Variants in PNPT1 observed in about 807,000 individuals in gnomAD.
PNPT1 encodes polyribonucleotide nucleotidyltransferase 1, mitochondrial.
Under a neutral mutation model 119.5 loss-of-function variants are expected in PNPT1, and 53 were observed. The observed-to-expected ratio is 0.44, with a 90% CI of 0.36 to 0.56. The LOEUF is 0.56. Among genes scored for constraint, PNPT1 ranks in the 20% least tolerant of loss-of-function variants. The pLI, the probability that PNPT1 is intolerant of heterozygous loss-of-function variation, is 0.00. For synonymous variants in PNPT1, 357 were observed against 322.1 expected, an observed-to-expected ratio of 1.11 and a Z score of -1.16; for missense variants, 948 against 938.5, an observed-to-expected ratio of 1.01 and a Z score of -0.13.
intron 21 of PNPT1, among the ~76,000 whole-genome samples, 198 bp downstream of exon 21, chr2:55,646,061 G>C (rs1321757064): frequency 6.6e-6 from 1 of 151,922 alleles, no homozygotes; most frequent in Non-Finnish European, 1.5e-5. Context: ...CTCCTGACCT[G>C]AAGTGATCTG....
rs1420597745 is a variant in PNPT1 at position 55,640,593 on chromosome 2, A to T, written c.2148+34T>A. The T allele has an allele frequency of 2.7e-6, 4 of 1,499,294 alleles. No individual in the cohort carries two copies. The East Asian group carries it at 9.0e-5, about 34-fold the overall frequency. 92.9% of individuals were successfully genotyped at this position (1,499,294 alleles called of 1,614,324 possible). ...TTCAATACAGTGTTTCAAGGCAGTT[A>T]TAAAAATAATAACAATAACATCTGT... On this transcript the variant is annotated intron_variant, in intron 26 of 27. Coordinates refer to ENST00000447944, the MANE Select transcript of PNPT1 (RefSeq NM_033109.5).
At chr2:55,650,515 T>C (rs537660487) in intron 18 of PNPT1, among the ~76,000 whole-genome samples, 13 of 152,258 alleles carry the variant, frequency 8.5e-5, no homozygotes, top group African/African-American at 2.9e-4. Flanking sequence ...CCCAGCAGCC[T>C]GCCTTGGCCT....
Position 55,678,440 on chromosome 2 carries a change from G to T in PNPT1, c.679+1242C>A, listed in dbSNP as rs565448238. Among the ~76,000 whole-genome samples the T allele has an allele frequency of 5.5e-4, 84 of 152,336 alleles. No homozygotes were observed. In the Middle Eastern group the frequency reaches 0.01, roughly 19 times the overall value. On this transcript the variant is annotated intron_variant, in intron 8 of 27. Transcript: ENST00000447944. The stretch of plus-strand genomic sequence containing the variant: ...GTGCCACAGTTCTGCTCAATGAGGT[G>T]TAAATAGAAACTACTGTGTGGGGAT...
At chr2:55,641,475 G>T (rs571983374) in intron 25 of PNPT1, among the ~76,000 whole-genome samples, 26 of 151,680 alleles carry the variant, frequency 1.7e-4, no homozygotes, top group Non-Finnish European at 2.9e-4. Flanking sequence ...CACGAAGTTG[G>T]CCAGGCTGGT....
chr2:55,662,059 T>C, intron 13 of PNPT1, 33 bp from the exon 14 acceptor site: 1 of 1,485,346 alleles, frequency 6.7e-7, no homozygotes, highest in Non-Finnish European at 9.0e-7. Context: ...CAGGCTTTAA[T>C]ATACTAACCA....
At chr2:55,664,833 A>T (rs948684608) in intron 13 of PNPT1, among the ~76,000 whole-genome samples, 1 of 152,136 alleles carries the variant, frequency 6.6e-6, no homozygotes, top group Non-Finnish European at 1.5e-5. Flanking sequence ...ATCAAAGGTG[A>T]CACTGACTCT....
intron 13 of PNPT1, among the ~76,000 whole-genome samples, chr2:55,666,418 C>A (rs1054178991): frequency 6.6e-6 from 1 of 152,160 alleles, no homozygotes; most frequent in African/African-American, 2.4e-5. Context: ...GCTACCATGC[C>A]TGGCCTGTTC....
rs782629 is a variant in PNPT1 at position 55,673,148 on chromosome 2, A to G, written c.680-69T>C. 571,738 of 1,194,070 alleles carry G rather than the reference A, an allele frequency of 0.48. 143,681 individuals carry two copies. Among genetic ancestry groups the G allele is most frequent in the Non-Finnish European group, 0.52 (444,749 of 862,900 alleles). The allele number at this position is 1,194,070 out of a possible 1,614,324, so 74.0% of individuals were successfully genotyped here. ...TCTTAGTAATATAACATTTTCAAATACCATGACATGACATAAATATTATGG... is the reference window on the plus strand; with the variant it reads ...TCTTAGTAATATAACATTTTCAAATGCCATGACATGACATAAATATTATGG... On this transcript the variant is annotated intron_variant, in intron 8 of 27. Coordinates refer to ENST00000447944, the MANE Select transcript of PNPT1 (RefSeq NM_033109.5).
chr2:55,683,742 T>C (rs761362041), intron 5 of PNPT1, 43 bp downstream of exon 5: 1 of 1,539,004 alleles, frequency 6.5e-7, no homozygotes, highest in South Asian at 1.2e-5. Context: ...ATTAAGTAAT[T>C]TTTGATTGAT....
chr2:55,672,151 TAATA>T (rs1696936611), intron 9 of PNPT1, 105 bp from the exon 10 acceptor site: 2 of 793,922 alleles, frequency 2.5e-6, no homozygotes, highest in African/African-American at 1.8e-5. Flanking sequence ...GCTAAAACTT[TAATA>T]AATACTTCAG....
chr2:55,656,158 C>T lies in PNPT1; in HGVS notation c.1414G>A (p.Val472Ile), dbSNP rs1223711847. The T allele has an allele frequency of 9.9e-6, 16 of 1,613,276 alleles. No individual in the cohort carries two copies. The highest frequency in any genetic ancestry group is 1.3e-5 in the Non-Finnish European group (15 of 1,179,664). ...TTTGACTCTAGGACTTCAGATGTAA[C>T]TCTTATGGTGAAAGGAAAATCTCGG... ...IPRDFPFTIRVTSEVLESNGS... is the reference protein window; with the variant it reads ...IPRDFPFTIRITSEVLESNGS... Residue 472 changes from valine to isoleucine, a missense_variant, in exon 17 of 28, where the codon GTT (valine) becomes ATT (isoleucine). By Grantham distance (29) the Val-to-Ile change is conservative. Coordinates refer to ENST00000447944, the MANE Select transcript of PNPT1 (RefSeq NM_033109.5).
At chr2:55,645,558 T>TTGAAA in intron 21 of PNPT1, 126 bp from the exon 22 acceptor site, 1 of 577,548 alleles carries the variant, frequency 1.7e-6, no homozygotes, top group East Asian at 3.0e-5. Context: ...TCCACATCCC[T>TTGAAA]ATTACCTTGA....
chr2:55,648,300 G>A (rs1374108960), intron 18 of PNPT1, among the ~76,000 whole-genome samples: 1 of 152,074 alleles, frequency 6.6e-6, no homozygotes, highest in East Asian at 1.9e-4. Flanking sequence ...ACCACACAAA[G>A]CTCTACTTTA....
At chr2:55,646,798 G>C (rs1696018719) in intron 19 of PNPT1, among the ~76,000 whole-genome samples, 3 of 151,702 alleles carry the variant, frequency 2.0e-5, no homozygotes, top group Admixed American at 2.0e-4. Flanking sequence ...AATACTTAAG[G>C]GTAAGTATTA....
At chr2:55,673,821 A>C (rs1696985427) in intron 8 of PNPT1, among the ~76,000 whole-genome samples, 1 of 152,118 alleles carries the variant, frequency 6.6e-6, no homozygotes, top group South Asian at 2.1e-4. Flanking sequence ...AAGTGACTTT[A>C]GGTGATCTGC....
intron 4 of PNPT1, among the ~76,000 whole-genome samples, chr2:55,684,074 T>A (rs1697325634): frequency 6.6e-6 from 1 of 152,250 alleles, no homozygotes; most frequent in African/African-American, 2.4e-5. Flanking sequence ...CAATTTTTCA[T>A]TCTGGTTCCA....
Position 55,640,644 on chromosome 2 carries a change from G to A in PNPT1, c.2131C>T (p.Gln711Ter). Reference sequence around the variant, plus strand: ...CTTTTTACCTTTCGTTGATCAAGTTGTGTGTTATGAAGCAGTACCGCAGTC... The same window carrying A: ...CTTTTTACCTTTCGTTGATCAAGTTATGTGTTATGAAGCAGTACCGCAGTC... ...NMTAVLLHNT[Q>*]LDQRKIKHPT... is the part of the protein sequence containing the mutation. The change falls in exon 26 of 28, where the codon CAA (glutamine) becomes TAA (stop). Residue 711 changes from glutamine (Q) to a stop codon, truncating the protein, a stop_gained. Coordinates refer to ENST00000447944, the MANE Select transcript of PNPT1 (RefSeq NM_033109.5). LOFTEE classifies it high-confidence loss of function. 1.3e-6 allele frequency: 2 copies of A among 1,590,168 alleles called. No individual in the cohort carries two copies. Among genetic ancestry groups the A allele is most frequent in the Non-Finnish European group, 1.7e-6 (2 of 1,159,320 alleles).
At chr2:55,663,404 G>T (rs1332784916) in intron 13 of PNPT1, among the ~76,000 whole-genome samples, 1 of 152,186 alleles carries the variant, frequency 6.6e-6, no homozygotes, top group Non-Finnish European at 1.5e-5. Flanking sequence ...GATAACATAT[G>T]TGCAGTTGCA....
rs138300494 is a variant in PNPT1 at position 55,637,610 on chromosome 2, A to C, written c.2149-11T>G. ...AGTAGGATGTTTAATCTGGAAAAAA[A>C]AATGTTAATCTATTAGTTGTTGTGC... On this transcript the variant is annotated splice_polypyrimidine_tract_variant and intron_variant, in intron 26 of 27. Coordinates refer to ENST00000447944, the MANE Select transcript of PNPT1 (RefSeq NM_033109.5). The C allele has an allele frequency of 6.5e-5, 104 of 1,592,464 alleles. No individual in the cohort carries two copies. In the African/African-American group the frequency reaches 1.1e-3, roughly 16 times the overall value.
Sources: gnomAD v4.1 joint callset for allele counts (sites outside exome capture counted in the v4.1 genomes callset) on GRCh38, gnomAD v4.1.1 for gene constraint, MANE v1.5 for transcripts, NCBI Gene and HGNC (gene_info 2026-07-23, HGNC 2026-07-21) for gene names.